Variants in NIPSNAP3B observed in about 807,000 individuals in gnomAD.
NIPSNAP3B encodes nipsnap homolog 3B.
Under a neutral mutation model 31.5 loss-of-function variants are expected in NIPSNAP3B, and 30 were observed. The ratio of observed to expected loss-of-function variants is 0.95; its 90% CI spans 0.71 to 1.29. The LOEUF is 1.29. Among genes scored for constraint, NIPSNAP3B ranks in the 50% most tolerant of loss-of-function variants. NIPSNAP3B has a pLI of 0.00. For missense variants in NIPSNAP3B, 269 were observed against 300.7 expected (o/e 0.89, Z 0.78); for synonymous variants, 106 against 107.9 (o/e 0.98, Z 0.11).
intron 2 of NIPSNAP3B, 48 bp downstream of exon 2, chr9:104,766,583 T>C (rs1828095997): frequency 1.3e-6 from 2 of 1,529,722 alleles, no homozygotes; most frequent in Admixed American, 3.3e-5. Context: ...TTCATTCTGT[T>C]AAATGTAACA....
At chr9:104,764,355 G>C (rs889153892) in intron 1 of NIPSNAP3B, 55 bp downstream of exon 1, 22 of 1,447,954 alleles carry the variant, frequency 1.5e-5, no homozygotes, top group South Asian at 3.8e-5. Context: ...GGAGGGGCGG[G>C]GGGTATTTCT....
the NIPSNAP3B span, chr9:104,790,812 A>G: frequency 3.8e-6 from 3 of 798,066 alleles, no homozygotes; most frequent in Non-Finnish European, 2.1e-6. Flanking sequence ...ATATTTCAAC[A>G]TTTTTATGAA....
At chr9:104,790,818 A>G in the NIPSNAP3B span, 1 of 822,740 alleles carries the variant, frequency 1.2e-6, no homozygotes, top group Non-Finnish European at 2.1e-6. Flanking sequence ...CAACATTTTT[A>G]TGAACTCTAA....
At chr9:104,779,383 A>G (rs1828405583), downstream of NIPSNAP3B, among the ~76,000 whole-genome samples, 1 of 152,160 alleles carries the variant, frequency 6.6e-6, no homozygotes, top group Non-Finnish European at 1.5e-5. Flanking sequence ...ATATTTGTTA[A>G]ATTAATGTAT....
chr9:104,784,034 A>G, the NIPSNAP3B span: 12 of 387,736 alleles, frequency 3.1e-5, no homozygotes, highest in Admixed American at 3.2e-4. Context: ...CCATATGTCC[A>G]TTGGGTTCCA....
In NIPSNAP3B at chr9:104,764,233, G is replaced by C; in HGVS notation, c.-8G>C. 1 of 1,600,754 alleles carries C rather than the reference G, an allele frequency of 6.2e-7. No homozygotes were observed. Among genetic ancestry groups the C allele is most frequent in the Non-Finnish European group, 8.5e-7 (1 of 1,175,518 alleles). ...GCTGGCTGCTTTTCTCAGTGCCGAA[G>C]CCGCGCCATGCTCGTTCTCAGAAGC... On this transcript the variant is annotated 5_prime_UTR_variant, in exon 1 of 6. Transcript: ENST00000374762.
At chr9:104,787,329 A>AC in the NIPSNAP3B span, among the ~76,000 whole-genome samples, 1 of 152,140 alleles carries the variant, frequency 6.6e-6, no homozygotes, top group Non-Finnish European at 1.5e-5. Context: ...TGAAGTCAGT[A>AC]TAAGATTGGG....
chr9:104,766,634 C>A, intron 2 of NIPSNAP3B, 99 bp downstream of exon 2: 1 of 1,184,148 alleles, frequency 8.4e-7, no homozygotes, highest in Non-Finnish European at 1.2e-6. Flanking sequence ...TAGATACATA[C>A]AGGTTAAGTA....
rs751398262 is a variant in NIPSNAP3B, at chr9:104,770,874, G to C, written c.456G>C (p.Gln152His). The change falls in exon 4 of 6, where the codon CAG becomes CAC. Residue 152 changes from glutamine (Q) to histidine (H), a missense_variant. Coordinates refer to ENST00000374762, the MANE Select transcript of NIPSNAP3B (RefSeq NM_018376.4). ...KEGVYELAVF[Q>H]MKPGGPALWG... is the part of the protein sequence containing the mutation. Reference sequence around the variant, plus strand: ...GAGTCTATGAACTAGCTGTTTTTCAGATGAAACCTGGTGGGCCAGCTCTGT... The same window carrying C: ...GAGTCTATGAACTAGCTGTTTTTCACATGAAACCTGGTGGGCCAGCTCTGT... 1.2e-6 allele frequency: 2 copies of C among 1,613,630 alleles called. No homozygotes were observed. Among genetic ancestry groups the C allele is most frequent in the Non-Finnish European group, 8.5e-7 (1 of 1,179,748 alleles).
At chr9:104,782,789 A>T in the NIPSNAP3B span, 13 of 152,170 alleles carry the variant, frequency 8.5e-5, no homozygotes, top group African/African-American at 3.1e-4. Flanking sequence ...TCCCTGTTGA[A>T]GAATTCATTG....
chr9:104,770,169 T>C (rs1050232726), intron 3 of NIPSNAP3B, among the ~76,000 whole-genome samples: 5 of 152,210 alleles, frequency 3.3e-5, no homozygotes, highest in African/African-American at 4.8e-5. Context: ...TTCATAATTC[T>C]TTAGTAACTT....
chr9:104,773,665 A>G lies in NIPSNAP3B; in HGVS notation c.*592A>G, dbSNP rs1364297175. The G allele has an allele frequency of 6.6e-6, 1 of 152,192 alleles. No homozygotes were observed. The highest frequency in any genetic ancestry group is 1.5e-5 in the Non-Finnish European group (1 of 68,028). The allele number at this position is 152,192 out of a possible 1,614,324, so 9.4% of individuals were successfully genotyped here. A position where few individuals can be genotyped will look rare whatever the true frequency, so the allele number is the denominator to read the frequency against. On this transcript the variant is annotated 3_prime_UTR_variant, in exon 6 of 6. Coordinates refer to ENST00000374762, the MANE Select transcript of NIPSNAP3B (RefSeq NM_018376.4). Reference sequence around the variant, plus strand: ...TTGGAAAATAATGCAATTGGGTCACAGTGTTAAAAATCTAGAAAAGACTTG... The same window carrying G: ...TTGGAAAATAATGCAATTGGGTCACGGTGTTAAAAATCTAGAAAAGACTTG...
the NIPSNAP3B span, chr9:104,786,441 A>G: frequency 4.5e-4 from 676 of 1,490,134 alleles, no homozygotes; most frequent in Non-Finnish European, 5.5e-4. Flanking sequence ...CTCTGTAACC[A>G]TGAGAACATC....
chr9:104,785,494 A>T, the NIPSNAP3B span: 5 of 1,613,128 alleles, frequency 3.1e-6, no homozygotes, highest in Non-Finnish European at 1.7e-6. Flanking sequence ...GAAGATAATG[A>T]AGATGGAAGC....
At chr9:104,786,868 C>T in the NIPSNAP3B span, 7 of 1,610,484 alleles carry the variant, frequency 4.3e-6, no homozygotes, top group Non-Finnish European at 4.2e-6. Context: ...GACTTTACTA[C>T]GGACCTATGA....
intron 1 of NIPSNAP3B, among the ~76,000 whole-genome samples, chr9:104,765,049 A>G (rs954876990): frequency 1.3e-5 from 2 of 152,242 alleles, no homozygotes; most frequent in Non-Finnish European, 2.9e-5. Context: ...TTTTATTTTC[A>G]GAATTTGATT....
At position 104,768,922 on chromosome 9, in the gene NIPSNAP3B, G is replaced by A; in HGVS notation, c.331G>A (p.Glu111Lys). 6.2e-7 allele frequency: 1 copy of A among 1,613,724 alleles called. No homozygotes were observed. The highest frequency in any genetic ancestry group is 8.5e-7 in the Non-Finnish European group (1 of 1,179,736). Residue 111 changes from glutamate to lysine, a missense_variant, in exon 3 of 6, where the codon GAA becomes AAA. Transcript: ENST00000374762. ...CTTAGCCAACTGTAAGGAATGGCAA[G>A]AACAATCTATCATTCCAAATTTGGC... The part of the protein sequence containing the change: ...KALANCKEWQ[E>K]QSIIPNLARI...
chr9:104,770,520 CT>C, intron 3 of NIPSNAP3B, among the ~76,000 whole-genome samples: 1 of 152,130 alleles, frequency 6.6e-6, no homozygotes, highest in Non-Finnish European at 1.5e-5. Flanking sequence ...GAAAATTCTG[CT>C]TCATTATACA....
At chr9:104,785,489 T>C in the NIPSNAP3B span, 32 of 1,611,212 alleles carry the variant, frequency 2.0e-5, no homozygotes, top group South Asian at 3.4e-4. Context: ...CCAGAGAAGA[T>C]AATGAAGATG....
Sources: allele counts gnomAD v4.1 joint callset (sites outside exome capture counted in the v4.1 genomes callset), GRCh38; gene constraint gnomAD v4.1.1; transcripts MANE v1.5; gene names NCBI Gene and HGNC (gene_info 2026-07-23, HGNC 2026-07-21).